GNAQ: variants seen among roughly 807,000 people sequenced by gnomAD.
GNAQ encodes guanine nucleotide-binding protein G(q) subunit alpha.
In GNAQ, 8 loss-of-function variants were observed where a neutral mutation model predicts 43.9. The ratio of observed to expected loss-of-function variants is 0.18; its 90% CI spans 0.11 to 0.33. GNAQ has a LOEUF of 0.33. Among genes scored for constraint, GNAQ ranks in the 10% least tolerant of loss-of-function variants. The pLI is 1.00. For synonymous variants in GNAQ, 155 were observed against 170.7 expected, an observed-to-expected ratio of 0.91 and a Z score of 0.71; for missense variants, 158 against 450.8, an observed-to-expected ratio of 0.35 and a Z score of 5.88.
intron 5 of GNAQ, among the ~76,000 whole-genome samples, chr9:77,751,829 G>A (rs1264317561): frequency 2.7e-5 from 4 of 149,688 alleles, no homozygotes; most frequent in Non-Finnish European, 5.9e-5. Flanking sequence ...AAAAACAAAC[G>A]AAAAAAACAG....
intron 1 of GNAQ, among the ~76,000 whole-genome samples, chr9:77,937,997 G>A (rs1829257319): frequency 6.6e-6 from 1 of 151,756 alleles, no homozygotes; most frequent in Non-Finnish European, 1.5e-5. Context: ...TGGTATCAAG[G>A]GGATTGTTTC....
chr9:78,023,914 T>G (rs1490108679), intron 1 of GNAQ, among the ~76,000 whole-genome samples: 1 of 152,176 alleles, frequency 6.6e-6, no homozygotes, highest in African/African-American at 2.4e-5. Context: ...CAATTATGTG[T>G]GTATAAACAC....
intron 2 of GNAQ, among the ~76,000 whole-genome samples, chr9:77,863,186 G>GGAAGGAAGGAAGGAAA (rs1827884926): frequency 6.9e-6 from 1 of 145,934 alleles, no homozygotes; most frequent in African/African-American, 2.6e-5. Flanking sequence ...AAGAAAGGAA[G>GGAAGGAAGGAAGGAAA]GAAGGAAGGA....
intron 5 of GNAQ, among the ~76,000 whole-genome samples, chr9:77,766,868 T>G (rs939740777): frequency 1.3e-5 from 2 of 152,166 alleles, no homozygotes; most frequent in East Asian, 1.9e-4. Flanking sequence ...GGGACCTCTC[T>G]GGGGGTTACG....
At chr9:77,770,673 G>A (rs1826210021) in intron 5 of GNAQ, among the ~76,000 whole-genome samples, 1 of 152,104 alleles carries the variant, frequency 6.6e-6, no homozygotes, top group Admixed American at 6.5e-5. Flanking sequence ...TTTCCTCTTG[G>A]CTTAACCAGT....
intron 2 of GNAQ, among the ~76,000 whole-genome samples, chr9:77,842,407 G>GA: frequency 6.6e-6 from 1 of 152,312 alleles, no homozygotes; most frequent in Admixed American, 6.5e-5. Flanking sequence ...CCTTGGCTGA[G>GA]AAAATAAATT....
intron 2 of GNAQ, among the ~76,000 whole-genome samples, chr9:77,884,328 T>C (rs999141066): frequency 7.9e-5 from 12 of 152,248 alleles, no homozygotes; most frequent in Admixed American, 2.6e-4. Context: ...TATGTGCCAG[T>C]TGTCTCTAAT....
intron 5 of GNAQ, among the ~76,000 whole-genome samples, chr9:77,764,251 A>C (rs1826098383): frequency 6.6e-6 from 1 of 152,168 alleles, no homozygotes; most frequent in Admixed American, 6.5e-5. Flanking sequence ...CAATCTCTTA[A>C]TTTAAAGATA....
At chr9:77,833,258 C>T (rs1278262135) in intron 2 of GNAQ, among the ~76,000 whole-genome samples, 1 of 152,144 alleles carries the variant, frequency 6.6e-6, no homozygotes, top group Non-Finnish European at 1.5e-5. Context: ...GTGAGCCACC[C>T]CGCACCTGGC....
In GNAQ at chr9:77,718,849, T is replaced by A. The variant is rs914978655; in HGVS notation, c.*2474A>T. On this transcript the variant is annotated 3_prime_UTR_variant, in exon 7 of 7. Coordinates refer to ENST00000286548, the MANE Select transcript of GNAQ (RefSeq NM_002072.5). ...ATCACAATAGCTTCTAAAACTGCCT[T>A]TCTAGTAAAGGCCATCAGAGAGGTA... 4.4e-6 allele frequency: 1 copy of A among 229,154 alleles called. No individual in the cohort carries two copies. The highest frequency in any genetic ancestry group is 8.6e-6 in the Non-Finnish European group (1 of 116,530). The allele number at this position is 229,154 out of a possible 1,614,324, so 14.2% of individuals were successfully genotyped here.
At chr9:77,920,738 G>A (rs912400065) in intron 2 of GNAQ, among the ~76,000 whole-genome samples, 1 of 152,048 alleles carries the variant, frequency 6.6e-6, no homozygotes, top group African/African-American at 2.4e-5. Context: ...ATTTGTGGAG[G>A]GTCTTTTTGT....
chr9:77,751,829 GA>G (rs1564099570), intron 5 of GNAQ, among the ~76,000 whole-genome samples: 1 of 149,688 alleles, frequency 6.7e-6, no homozygotes, highest in Non-Finnish European at 1.5e-5. Context: ...AAAAACAAAC[GA>G]AAAAAACAGG....
chr9:77,849,785 G>A (rs1159581568), intron 2 of GNAQ, among the ~76,000 whole-genome samples: 4 of 152,114 alleles, frequency 2.6e-5, no homozygotes, highest in African/African-American at 9.7e-5. Context: ...TCTCACCTCA[G>A]CCTCCTGAGT....
chr9:77,736,922 C>G (rs1224832546), intron 5 of GNAQ, among the ~76,000 whole-genome samples: 1 of 152,220 alleles, frequency 6.6e-6, no homozygotes, highest in Non-Finnish European at 1.5e-5. Context: ...TACTGCACAG[C>G]ACACTGATCT....
chr9:77,953,452 C>A (rs1198167871), intron 1 of GNAQ, among the ~76,000 whole-genome samples: 1 of 152,094 alleles, frequency 6.6e-6, no homozygotes, highest in Non-Finnish European at 1.5e-5. Flanking sequence ...AACTGGATTA[C>A]AAAATTACAT....
At chr9:77,888,877 A>C (rs1243196584) in intron 2 of GNAQ, among the ~76,000 whole-genome samples, 1 of 152,120 alleles carries the variant, frequency 6.6e-6, no homozygotes, top group East Asian at 1.9e-4. Flanking sequence ...GCTCCCTCAG[A>C]GTAGGGGAGA....
intron 3 of GNAQ, among the ~76,000 whole-genome samples, chr9:77,811,321 T>C (rs1352875043): frequency 1.9e-5 from 2 of 103,948 alleles, no homozygotes; most frequent in East Asian, 5.0e-4. Flanking sequence ...TATGAAGATA[T>C]CTTTATAAAG....
chr9:78,025,097 T>C (rs571403086), intron 1 of GNAQ, among the ~76,000 whole-genome samples: 2 of 152,186 alleles, frequency 1.3e-5, no homozygotes, highest in African/African-American at 2.4e-5. Flanking sequence ...AAAGCCCAAA[T>C]TCATGACCAC....
At chr9:77,922,452 T>C (rs144847624) in intron 1 of GNAQ, 107 bp from the exon 2 acceptor site, 2 of 742,130 alleles carry the variant, frequency 2.7e-6, no homozygotes, top group African/African-American at 3.5e-5. Context: ...GATAGCCTGC[T>C]GAGAGGAGCG....
Sources: gnomAD v4.1 joint callset for allele counts (sites outside exome capture counted in the v4.1 genomes callset) on GRCh38, gnomAD v4.1.1 for gene constraint, MANE v1.5 for transcripts, NCBI Gene and HGNC (gene_info 2026-07-23, HGNC 2026-07-21) for gene names.